GPC5: variants seen among roughly 807,000 people sequenced by gnomAD.
GPC5 encodes glypican-5.
GPC5 carries 47 observed loss-of-function variants against 53.9 expected under a neutral mutation model. That is an observed-to-expected ratio of 0.87 (90% confidence interval 0.69 to 1.11). GPC5 has a LOEUF of 1.11. GPC5 is among the 50% of genes most tolerant of loss of function. The pLI is 0.00. For synonymous variants in GPC5, 286 were observed against 263.3 expected, an observed-to-expected ratio of 1.09 and a Z score of -0.84; for missense variants, 748 against 713.1, an observed-to-expected ratio of 1.05 and a Z score of -0.56.
At chr13:91,927,669 T>C (rs2039781931) in intron 6 of GPC5, among the ~76,000 whole-genome samples, 1 of 152,180 alleles carries the variant, frequency 6.6e-6, no homozygotes, top group Admixed American at 6.6e-5. Flanking sequence ...TACAGGATAC[T>C]GGTGTTTTCA....
intron 7 of GPC5, among the ~76,000 whole-genome samples, chr13:92,665,390 C>T (rs1447047590): frequency 1.3e-5 from 2 of 152,100 alleles, no homozygotes; most frequent in African/African-American, 2.4e-5. Context: ...TCCCACATCC[C>T]GGAAGTGTCA....
chr13:92,608,709 G>C (rs993547857), intron 7 of GPC5, among the ~76,000 whole-genome samples: 1 of 152,178 alleles, frequency 6.6e-6, no homozygotes, highest in African/African-American at 2.4e-5. Context: ...CGGAATCTGA[G>C]CTGTGTTCCT....
In GPC5 at chr13:91,627,281, C is replaced by T. The variant is rs1439019886; in HGVS notation, c.326-65906C>T. Among the ~76,000 whole-genome samples the T allele has an allele frequency of 4.4e-4, 4 of 9,152 alleles. 2 individuals carry two copies. The highest frequency in any genetic ancestry group is 6.1e-4 in the Non-Finnish European group (4 of 6,550). The allele number at this position is 9,152 out of a possible 152,430, so 6.0% of individuals were successfully genotyped here. A position where few individuals can be genotyped will look rare whatever the true frequency, so the allele number is the denominator to read the frequency against. ...TCCTGACCTCATGATCCACCCGCCT[C>T]GGCCTCCCAAAGTGCTGGGATTACA... On this transcript the variant is annotated intron_variant, in intron 2 of 7. Transcript: ENST00000377067.
intron 7 of GPC5, among the ~76,000 whole-genome samples, chr13:92,516,425 TG>T (rs1880784471): frequency 6.6e-6 from 1 of 152,158 alleles, no homozygotes; most frequent in Admixed American, 6.5e-5. Flanking sequence ...TGATATATTA[TG>T]GGGATAAAAC....
chr13:92,437,850 C>T (rs979983072), intron 7 of GPC5, among the ~76,000 whole-genome samples: 1 of 152,056 alleles, frequency 6.6e-6, no homozygotes, highest in Non-Finnish European at 1.5e-5. Context: ...TGGGATGAAT[C>T]CTTCTCCTGC....
intron 2 of GPC5, among the ~76,000 whole-genome samples, chr13:91,501,481 T>C (rs1237006559): frequency 1.3e-5 from 2 of 152,068 alleles, no homozygotes; most frequent in Non-Finnish European, 1.5e-5. Context: ...CACCTGTGAG[T>C]GAAAACATGT....
chr13:91,899,511 C>A (rs1275693066), intron 5 of GPC5, among the ~76,000 whole-genome samples: 3 of 152,022 alleles, frequency 2.0e-5, no homozygotes, highest in Non-Finnish European at 1.5e-5. Context: ...CAGGTAGTTT[C>A]CAGATTTTTG....
intron 7 of GPC5, among the ~76,000 whole-genome samples, chr13:92,617,220 T>C (rs939512303): frequency 1.3e-5 from 2 of 152,172 alleles, no homozygotes; most frequent in Non-Finnish European, 2.9e-5. Flanking sequence ...TATCAGAGGT[T>C]GTCCGCTGTA....
At chr13:91,596,093 A>G (rs1445127648) in intron 2 of GPC5, among the ~76,000 whole-genome samples, 1 of 152,202 alleles carries the variant, frequency 6.6e-6, no homozygotes, top group East Asian at 1.9e-4. Flanking sequence ...TCCTTTTATC[A>G]TTAGGAATGA....
chr13:92,602,006 T>A (rs1744200878), intron 7 of GPC5, among the ~76,000 whole-genome samples: 1 of 151,268 alleles, frequency 6.6e-6, no homozygotes, highest in South Asian at 2.1e-4. Context: ...CGGCAGAAAT[T>A]TTAGCATTTA....
chr13:92,105,046 T>C (rs2041498293), intron 6 of GPC5, among the ~76,000 whole-genome samples: 1 of 152,146 alleles, frequency 6.6e-6, no homozygotes, highest in Admixed American at 6.6e-5. Flanking sequence ...AGAAGCTTTG[T>C]TTTTGTTTTT....
intron 7 of GPC5, among the ~76,000 whole-genome samples, chr13:92,861,384 C>T (rs986395813): frequency 6.6e-6 from 1 of 152,100 alleles, no homozygotes; most frequent in African/African-American, 2.4e-5. Flanking sequence ...AGGGCTGTAC[C>T]CTTGCCCAAC....
At chr13:92,403,441 C>T (rs886361748) in intron 7 of GPC5, among the ~76,000 whole-genome samples, 5 of 152,174 alleles carry the variant, frequency 3.3e-5, no homozygotes, top group South Asian at 2.1e-4. Context: ...ACCTGAGCTC[C>T]GCCTCCTGTC....
At chr13:92,357,169 A>G (rs1367907724) in intron 7 of GPC5, among the ~76,000 whole-genome samples, 1 of 151,738 alleles carries the variant, frequency 6.6e-6, no homozygotes, top group Admixed American at 6.5e-5. Flanking sequence ...TAGTACTGCA[A>G]GGGACACACA....
intron 7 of GPC5, among the ~76,000 whole-genome samples, chr13:92,430,337 A>G (rs571956693): frequency 1.6e-4 from 24 of 152,296 alleles, no homozygotes; most frequent in African/African-American, 5.8e-4. Context: ...ATTTATTTGT[A>G]TGTAACTATT....
chr13:92,193,717 AC>A (rs1235352334), intron 7 of GPC5, among the ~76,000 whole-genome samples: 11 of 152,330 alleles, frequency 7.2e-5, no homozygotes, highest in African/African-American at 2.6e-4. Flanking sequence ...AAGTGGCTAC[AC>A]CCATTCGGCT....
intron 7 of GPC5, among the ~76,000 whole-genome samples, chr13:92,541,288 G>A (rs1881922680): frequency 6.6e-6 from 1 of 151,546 alleles, no homozygotes; most frequent in Admixed American, 6.6e-5. Flanking sequence ...CAAGATGAAT[G>A]GTTTTGTATC....
intron 7 of GPC5, among the ~76,000 whole-genome samples, chr13:92,754,481 A>G (rs985560933): frequency 1.3e-5 from 2 of 152,130 alleles, no homozygotes; most frequent in East Asian, 3.9e-4. Flanking sequence ...ACATAACAAT[A>G]TTAACTTTAA....
intron 7 of GPC5, among the ~76,000 whole-genome samples, chr13:92,564,942 T>C (rs1882817827): frequency 1.3e-5 from 2 of 152,082 alleles, no homozygotes; most frequent in South Asian, 4.1e-4. Flanking sequence ...AGATAAACTT[T>C]ACAATTGGCA....
Sources: allele counts gnomAD v4.1 joint callset (sites outside exome capture counted in the v4.1 genomes callset), GRCh38; gene constraint gnomAD v4.1.1; transcripts MANE v1.5; gene names NCBI Gene and HGNC (gene_info 2026-07-23, HGNC 2026-07-21).